SKAP2: variants seen among roughly 807,000 people sequenced by gnomAD.
The protein encoded by SKAP2 is src kinase-associated phosphoprotein 2.
SKAP2 carries 28 observed loss-of-function variants against 54.9 expected under a neutral mutation model. That is an observed-to-expected ratio of 0.51 (90% CI 0.38 to 0.70). The LOEUF is 0.70. Among genes scored for constraint, SKAP2 ranks in the 30% least tolerant of loss-of-function variants. The pLI, the probability that SKAP2 is intolerant of heterozygous loss-of-function variation, is 0.00. For missense variants in SKAP2, 356 were observed against 424.1 expected, an observed-to-expected ratio of 0.84 and a Z score of 1.41; for synonymous variants, 137 against 134.3, an observed-to-expected ratio of 1.02 and a Z score of -0.14.
At chr7:26,816,098 C>T (rs147900498) in intron 4 of SKAP2, among the ~76,000 whole-genome samples, 3 of 152,006 alleles carry the variant, frequency 2.0e-5, no homozygotes, top group South Asian at 2.1e-4. Context: ...TGACTTAACA[C>T]GTTTTCTAAC....
chr7:26,853,048 ATTT>A (rs1368866722), intron 3 of SKAP2, among the ~76,000 whole-genome samples: 1 of 152,112 alleles, frequency 6.6e-6, no homozygotes, highest in African/African-American at 2.4e-5. Context: ...TCATTTCTTT[ATTT>A]AAGTGTTAAA....
At chr7:26,710,162 A>C (rs373991870) in intron 9 of SKAP2, among the ~76,000 whole-genome samples, 1 of 152,166 alleles carries the variant, frequency 6.6e-6, no homozygotes, top group East Asian at 1.9e-4. Flanking sequence ...TTGAATTCTT[A>C]TGAGGAAGGC....
At chr7:26,808,010 T>C (rs1401099108) in intron 4 of SKAP2, among the ~76,000 whole-genome samples, 1 of 152,222 alleles carries the variant, frequency 6.6e-6, no homozygotes, top group Non-Finnish European at 1.5e-5. Flanking sequence ...AACTCATGAA[T>C]TGCTTTATTG....
intron 1 of SKAP2, chr7:26,857,549 T>C (rs925185167): frequency 1.0e-6 from 1 of 985,376 alleles, no homozygotes; most frequent in Admixed American, 6.1e-5. Flanking sequence ...AACACACCGA[T>C]CCTGATCTCG....
intron 4 of SKAP2, among the ~76,000 whole-genome samples, chr7:26,836,883 A>C (rs1046403863): frequency 1.3e-5 from 2 of 152,168 alleles, no homozygotes; most frequent in Non-Finnish European, 2.9e-5. Context: ...AAGATACATG[A>C]ACACGTATGT....
intron 4 of SKAP2, among the ~76,000 whole-genome samples, chr7:26,766,782 A>G (rs1783066528): frequency 6.6e-6 from 1 of 152,126 alleles, no homozygotes; most frequent in South Asian, 2.1e-4. Flanking sequence ...ATTGATTTGC[A>G]TATGTCAAAC....
intron 4 of SKAP2, among the ~76,000 whole-genome samples, chr7:26,793,263 A>G (rs570215469): frequency 6.6e-6 from 1 of 152,206 alleles, no homozygotes; most frequent in African/African-American, 2.4e-5. Context: ...TTATACTGCT[A>G]ATTCTCCAAA....
At chr7:26,769,126 C>T (rs538471944) in intron 4 of SKAP2, among the ~76,000 whole-genome samples, 1 of 152,310 alleles carries the variant, frequency 6.6e-6, no homozygotes, top group South Asian at 2.1e-4. Flanking sequence ...TTCACACAGT[C>T]CCATATTTCT....
At chr7:26,782,710 G>A (rs1234142762) in intron 4 of SKAP2, among the ~76,000 whole-genome samples, 1 of 152,128 alleles carries the variant, frequency 6.6e-6, no homozygotes, top group Non-Finnish European at 1.5e-5. Context: ...AAAAGAGGTG[G>A]AGCCTTTGGG....
chr7:26,834,043 C>T (rs938953986), intron 4 of SKAP2, among the ~76,000 whole-genome samples: 1 of 152,220 alleles, frequency 6.6e-6, no homozygotes, highest in Admixed American at 6.5e-5. Context: ...AAGAAACTCA[C>T]TCAACACCGC....
At chr7:26,832,321 G>C (rs934390414) in intron 4 of SKAP2, among the ~76,000 whole-genome samples, 1 of 152,154 alleles carries the variant, frequency 6.6e-6, no homozygotes, top group Admixed American at 6.5e-5. Flanking sequence ...TTCACTCTAA[G>C]TGACTATATC....
chr7:26,861,798 A>G (rs1048300956), intron 1 of SKAP2, among the ~76,000 whole-genome samples: 2 of 151,972 alleles, frequency 1.3e-5, no homozygotes, highest in African/African-American at 2.4e-5. Context: ...AAGCAGGTGA[A>G]ATTTCAAACA....
intron 4 of SKAP2, among the ~76,000 whole-genome samples, chr7:26,782,803 C>T (rs1562608576): frequency 6.6e-6 from 1 of 152,184 alleles, no homozygotes; most frequent in African/African-American, 2.4e-5. Context: ...GCCTGCTCTT[C>T]CACCATGTGA....
intron 4 of SKAP2, among the ~76,000 whole-genome samples, chr7:26,789,247 T>A (rs1005706965): frequency 7.2e-5 from 11 of 152,200 alleles, no homozygotes; most frequent in African/African-American, 2.4e-4. Flanking sequence ...GTTAAAAAAA[T>A]TTTTAGCTCA....
At chr7:26,745,021 C>G (rs1782532046) in intron 4 of SKAP2, among the ~76,000 whole-genome samples, 2 of 152,082 alleles carry the variant, frequency 1.3e-5, no homozygotes, top group African/African-American at 4.8e-5. Flanking sequence ...TATGTTCACA[C>G]TTTTTTGGTT....
intron 1 of SKAP2, among the ~76,000 whole-genome samples, chr7:26,864,055 T>TCACACACA (rs35995014): frequency 0.045 from 6,489 of 143,356 alleles, 396 homozygotes; most frequent in African/African-American, 0.14. Flanking sequence ...CGCCCTTCTG[T>TCACACACA]CACACACACA....
At chr7:26,847,073 G>A (rs1320766252) in intron 3 of SKAP2, among the ~76,000 whole-genome samples, 1 of 152,080 alleles carries the variant, frequency 6.6e-6, no homozygotes, top group Non-Finnish European at 1.5e-5. Flanking sequence ...TCTAAGAATT[G>A]CAGCTCACTG....
chr7:26,795,109 T>C (rs1783747055), intron 4 of SKAP2, among the ~76,000 whole-genome samples: 2 of 152,124 alleles, frequency 1.3e-5, no homozygotes, highest in Non-Finnish European at 1.5e-5. Flanking sequence ...GTCCTAAAAG[T>C]TCAAAAGAGA....
chr7:26,862,922 C>A (rs1342191958), intron 1 of SKAP2, among the ~76,000 whole-genome samples: 1 of 151,944 alleles, frequency 6.6e-6, no homozygotes, highest in South Asian at 2.1e-4. Flanking sequence ...CTGGTTATTA[C>A]AATAATATTC....
Sources: allele counts gnomAD v4.1 joint callset (sites outside exome capture counted in the v4.1 genomes callset), GRCh38; gene constraint gnomAD v4.1.1; transcripts MANE v1.5; gene names NCBI Gene and HGNC (gene_info 2026-07-23, HGNC 2026-07-21).